Variants in CPVL observed in about 807,000 individuals in gnomAD.
The protein encoded by CPVL is probable serine carboxypeptidase CPVL.
Under a neutral mutation model 63.7 loss-of-function variants are expected in CPVL, and 51 were observed. The observed-to-expected ratio is 0.80, with a 90% CI of 0.64 to 1.01. The LOEUF is 1.01. Among genes scored for constraint, CPVL ranks in the 50% least tolerant of loss-of-function variants. The probability of loss-of-function intolerance (pLI) is 0.00; values close to 1 mark genes in which losing one functional copy is unlikely to be tolerated. For synonymous variants in CPVL, 195 were observed against 206.0 expected, an observed-to-expected ratio of 0.95 and a Z score of 0.46; for missense variants, 530 against 573.1, an observed-to-expected ratio of 0.92 and a Z score of 0.77.
rs1432031540 is a variant in CPVL, at chr7:29,095,169, A to G, written c.404-27T>C. The G allele has an allele frequency of 1.9e-6, 3 of 1,603,796 alleles. No homozygotes were observed. The African/African-American group carries it at 4.0e-5, about 21-fold the overall frequency. On this transcript the variant is annotated intron_variant, in intron 4 of 12. Transcript: ENST00000265394. ...TGTGAAAACAAAGAAGAGGGGTGAG[A>G]TAGAGTCGTGGACAAGCATTCCACC...
intron 5 of CPVL, among the ~76,000 whole-genome samples, chr7:29,162,422 G>A (rs561906083): frequency 1.9e-4 from 29 of 152,276 alleles, no homozygotes; most frequent in African/African-American, 7.0e-4. Context: ...AGCACTTTGG[G>A]AGGCCAAAGC....
exon 1 of CPVL, chr7:29,195,127 A>T: frequency 1.1e-6 from 1 of 882,672 alleles, no homozygotes; most frequent in Non-Finnish European, 1.6e-6. Context: ...GTCCGGGGTG[A>T]TACTTGTTTG....
intron 5 of CPVL, among the ~76,000 whole-genome samples, chr7:29,172,855 G>C (rs542476121): frequency 6.6e-6 from 1 of 152,112 alleles, no homozygotes; most frequent in East Asian, 1.9e-4. Flanking sequence ...AAAAATGCTG[G>C]ATAAGGCCGA....
intron 3 of CPVL, among the ~76,000 whole-genome samples, chr7:29,102,316 C>G (rs909404433): frequency 6.6e-6 from 1 of 152,084 alleles, no homozygotes. Flanking sequence ...TAAGTGTCAG[C>G]TCTGATGATT....
chr7:29,093,304 G>A (rs1448641699), intron 5 of CPVL, among the ~76,000 whole-genome samples: 1 of 137,920 alleles, frequency 7.3e-6, no homozygotes, highest in Non-Finnish European at 1.5e-5. Context: ...CTGAGCCCAG[G>A]AGGCGGAGAT....
intron 1 of CPVL, chr7:29,125,135 C>T (rs1156977714): frequency 6.6e-6 from 1 of 152,114 alleles, no homozygotes; most frequent in Non-Finnish European, 1.5e-5. Flanking sequence ...GAATTTCATT[C>T]TGCCTGGAGT....
At position 29,077,896 on chromosome 7, in the gene CPVL, G is replaced by A. The variant is rs189765778; in HGVS notation, c.610-5473C>T. 2.6e-5 allele frequency among the ~76,000 whole-genome samples: 4 copies of A among 152,232 alleles called. No homozygotes were observed. The East Asian group carries it at 5.8e-4, about 22-fold the overall frequency. ...CATGAGGGCAAGACTAGGCTAGGGC[G>A]ACCTACCTTGGCTTCATCTAGCCTA... On this transcript the variant is annotated intron_variant, in intron 7 of 12. Coordinates refer to ENST00000265394, the MANE Select transcript of CPVL (RefSeq NM_031311.5).
At chr7:29,113,062 T>C (rs1396261471) in intron 2 of CPVL, 2 of 433,680 alleles carry the variant, frequency 4.6e-6, no homozygotes, top group South Asian at 4.6e-5. Flanking sequence ...TGCCCAAATA[T>C]ATTTTATAAG....
rs546268042 is a variant in CPVL at position 29,005,088 on chromosome 7, C to T, written c.1321-9206G>A. On this transcript the variant is annotated intron_variant, in intron 12 of 12. Coordinates refer to ENST00000265394, the MANE Select transcript of CPVL (RefSeq NM_031311.5). The stretch of plus-strand genomic sequence containing the variant: ...ATTTTTTTTGTATTTTCAGTAGAAA[C>T]GGGGTTTCACCATGTTCCCCAGGCT... Among the ~76,000 whole-genome samples the T allele has an allele frequency of 5.9e-5, 9 of 151,862 alleles. 1 individual carries two copies. In the South Asian group the frequency reaches 1.7e-3, roughly 28 times the overall value.
intron 2 of CPVL, among the ~76,000 whole-genome samples, chr7:29,115,327 G>A (rs1196067498): frequency 6.6e-6 from 1 of 152,168 alleles, no homozygotes; most frequent in East Asian, 1.9e-4. Context: ...TGCAACCTCT[G>A]TTGGTCTTCA....
At chr7:29,048,191 A>G (rs1789802565) in intron 11 of CPVL, among the ~76,000 whole-genome samples, 1 of 152,202 alleles carries the variant, frequency 6.6e-6, no homozygotes, top group Non-Finnish European at 1.5e-5. Context: ...AAATAGCACG[A>G]TGAATGCAAT....
intron 6 of CPVL, among the ~76,000 whole-genome samples, chr7:29,091,558 G>A (rs1349469777): frequency 2.0e-5 from 3 of 152,188 alleles, no homozygotes; most frequent in Non-Finnish European, 4.4e-5. Flanking sequence ...GGAACACCCC[G>A]TCAGCATCTT....
At chr7:29,077,451 C>T (rs1784343873) in intron 7 of CPVL, among the ~76,000 whole-genome samples, 2 of 152,180 alleles carry the variant, frequency 1.3e-5, no homozygotes, top group Admixed American at 6.5e-5. Context: ...GTTTCACCAT[C>T]CACAGGCCTT....
At chr7:29,154,496 C>T (rs994416491) in intron 5 of CPVL, among the ~76,000 whole-genome samples, 8 of 152,146 alleles carry the variant, frequency 5.3e-5, no homozygotes, top group African/African-American at 1.9e-4. Context: ...TTCTTATACT[C>T]TAGATGTCAT....
chr7:29,135,008 T>C (rs1791048352), intron 1 of CPVL, among the ~76,000 whole-genome samples: 1 of 149,756 alleles, frequency 6.7e-6, no homozygotes, highest in African/African-American at 2.5e-5. Context: ...GGAGCTGAAG[T>C]GGGAGGATCA....
At chr7:29,071,003 G>A (rs752274610) in intron 9 of CPVL, among the ~76,000 whole-genome samples, 2 of 152,014 alleles carry the variant, frequency 1.3e-5, no homozygotes, top group Non-Finnish European at 2.9e-5. Context: ...TTCAGACCTT[G>A]CCTCATTTAC....
At chr7:29,071,407 A>T (rs1426120146) in intron 9 of CPVL, among the ~76,000 whole-genome samples, 9 of 152,184 alleles carry the variant, frequency 5.9e-5, no homozygotes, top group Non-Finnish European at 1.0e-4. Context: ...CATGGTTTAG[A>T]GCAGATGGTG....
At chr7:29,180,555 A>G (rs533367634) in intron 5 of CPVL, among the ~76,000 whole-genome samples, 293 of 151,854 alleles carry the variant, frequency 1.9e-3, no homozygotes, top group African/African-American at 6.7e-3. Flanking sequence ...AAAAAAAAAA[A>G]GTCATCTAAA....
At chr7:28,995,135 C>T (rs1315191556), downstream of CPVL, 1 of 152,102 alleles carries the variant, frequency 6.6e-6, no homozygotes, top group African/African-American at 2.4e-5. Flanking sequence ...GAAGTGTGTA[C>T]ACCTCAAACT....
Sources: gnomAD v4.1 joint callset for allele counts (sites outside exome capture counted in the v4.1 genomes callset) on GRCh38, gnomAD v4.1.1 for gene constraint, MANE v1.5 for transcripts, NCBI Gene and HGNC (gene_info 2026-07-23, HGNC 2026-07-21) for gene names.